CELF2: variants seen among roughly 807,000 people sequenced by gnomAD.
CELF2 encodes CUGBP Elav-like family member 2.
Under a neutral mutation model 62.6 loss-of-function variants are expected in CELF2, and 8 were observed. That is an observed-to-expected ratio of 0.13 (90% CI 0.07 to 0.23). CELF2 has a LOEUF of 0.23. CELF2 is among the 10% of genes least tolerant of loss of function. The probability of loss-of-function intolerance (pLI) is 1.00; values close to 1 mark genes in which losing one functional copy is unlikely to be tolerated. For missense variants in CELF2, 333 were observed against 671.0 expected (o/e 0.50, Z 5.56); for synonymous variants, 258 against 250.0 (o/e 1.03, Z -0.30).
the CELF2 span, among the ~76,000 whole-genome samples, chr10:10,599,211 G>T: frequency 6.6e-6 from 1 of 152,146 alleles, no homozygotes; most frequent in Admixed American, 6.5e-5. Flanking sequence ...TGAGAGCAAT[G>T]ACTTTCAATG....
intron 1 of CELF2, among the ~76,000 whole-genome samples, chr10:11,130,571 G>A (rs757039979): frequency 2.0e-5 from 3 of 152,164 alleles, no homozygotes; most frequent in Admixed American, 6.5e-5. Flanking sequence ...TTGTATTAAC[G>A]GCTTTGAGTT....
intron 1 of CELF2, among the ~76,000 whole-genome samples, chr10:11,023,084 C>T (rs2058602020): frequency 6.6e-6 from 1 of 152,092 alleles, no homozygotes; most frequent in Admixed American, 6.6e-5. Context: ...GATTTTGTTT[C>T]TTCACGGGAG....
At chr10:10,672,424 G>A in the CELF2 span, among the ~76,000 whole-genome samples, 3 of 148,124 alleles carry the variant, frequency 2.0e-5, no homozygotes, top group African/African-American at 7.4e-5. Context: ...TTTGCATTTT[G>A]CATTTAAGTC....
At chr10:11,197,047 A>G (rs61830888) in intron 2 of CELF2, among the ~76,000 whole-genome samples, 1,553 of 25,720 alleles carry the variant, frequency 0.06, 401 homozygotes, top group African/African-American at 0.14. Context: ...GAAAGAAAGA[A>G]AGAAAGAAAG....
chr10:10,996,930 T>C (rs1215509644), intron 2 of CELF2, among the ~76,000 whole-genome samples: 1 of 152,216 alleles, frequency 6.6e-6, no homozygotes, highest in Non-Finnish European at 1.5e-5. Context: ...CCTTTTTTGG[T>C]TGCCTTCTTG....
At chr10:11,099,909 A>G (rs557297315) in intron 1 of CELF2, among the ~76,000 whole-genome samples, 123 of 150,882 alleles carry the variant, frequency 8.2e-4, no homozygotes, top group African/African-American at 2.9e-3. Context: ...AAAACAGAAA[A>G]AACAGCTTAA....
chr10:11,257,261 C>T (rs572586856), intron 4 of CELF2, among the ~76,000 whole-genome samples: 7 of 150,048 alleles, frequency 4.7e-5, no homozygotes, highest in East Asian at 3.9e-4. Flanking sequence ...TTCGCTGTTT[C>T]GCTCCATCTG....
the CELF2 span, among the ~76,000 whole-genome samples, chr10:10,606,156 C>A: frequency 6.6e-6 from 1 of 152,190 alleles, no homozygotes; most frequent in African/African-American, 2.4e-5. Flanking sequence ...TAGAAGGATT[C>A]AGTGACTGCC....
the CELF2 span, among the ~76,000 whole-genome samples, chr10:10,732,984 T>A: frequency 6.6e-6 from 1 of 152,142 alleles, no homozygotes; most frequent in Admixed American, 6.5e-5. Context: ...GATGTGAACT[T>A]CAGAAGAAAT....
chr10:10,654,757 A>G, the CELF2 span, among the ~76,000 whole-genome samples: 2 of 143,714 alleles, frequency 1.4e-5, no homozygotes, highest in East Asian at 2.0e-4. Flanking sequence ...CCCACAGCCA[A>G]TATCATACTG....
At chr10:11,181,719 C>G (rs1244874077) in intron 2 of CELF2, among the ~76,000 whole-genome samples, 1 of 152,232 alleles carries the variant, frequency 6.6e-6, no homozygotes, top group South Asian at 2.1e-4. Context: ...ATCTCTAACT[C>G]TAAGTGTCTT....
chr10:11,168,608 T>G (rs1219891908), intron 2 of CELF2, among the ~76,000 whole-genome samples: 1 of 152,222 alleles, frequency 6.6e-6, no homozygotes, highest in Non-Finnish European at 1.5e-5. Flanking sequence ...CTAGAATTAC[T>G]GGAGGTGGTT....
intron 1 of CELF2, among the ~76,000 whole-genome samples, chr10:10,885,792 C>T (rs2133794095): frequency 6.6e-6 from 1 of 152,252 alleles, no homozygotes; most frequent in East Asian, 1.9e-4. Context: ...TCTCTTCTTC[C>T]ATCTTCAAAG....
In CELF2 at chr10:11,336,561, TTTCTAAGGGGTATTTTTG is replaced by T. The variant is rs1472346987; in HGVS notation, c.*7513_*7530del. 2 of 152,654 alleles carry T rather than the reference TTTCTAAGGGGTATTTTTG, an allele frequency of 1.3e-5. No individual in the cohort carries two copies. Among genetic ancestry groups the T allele is most frequent in the African/African-American group, 4.8e-5 (2 of 41,452 alleles). 9.5% of individuals were successfully genotyped at this position (152,654 alleles called of 1,614,324 possible). On this transcript the variant is annotated 3_prime_UTR_variant, in exon 13 of 13. Coordinates refer to ENST00000633077, the MANE Select transcript of CELF2 (RefSeq NM_001326342.2). This position sits in a 1 kb window ranked among gnomAD's most constrained non-coding sequence, Gnocchi z 5.4. ...AATGTGATTATTTTTCAAAGCAGTG[TTTCTAAGGGGTATTTTTG>T]TTCTTTTAAGTCTTGAGTGATACAG...
chr10:11,241,970 A>G (rs183759905), intron 3 of CELF2, among the ~76,000 whole-genome samples: 3 of 152,318 alleles, frequency 2.0e-5, no homozygotes, highest in Admixed American at 1.3e-4. Flanking sequence ...AGACACAAGT[A>G]TTCTCCATGG....
the CELF2 span, among the ~76,000 whole-genome samples, chr10:10,742,342 C>A: frequency 3.3e-5 from 5 of 152,122 alleles, no homozygotes; most frequent in Non-Finnish European, 4.4e-5. Flanking sequence ...TTACAATACT[C>A]TTTTGGGTGA....
intron 2 of CELF2, among the ~76,000 whole-genome samples, chr10:10,960,634 C>T (rs1318481580): frequency 1.3e-5 from 2 of 152,336 alleles, no homozygotes; most frequent in South Asian, 2.1e-4. Context: ...ATTGGTAATG[C>T]ATACCCAGTA....
intron 2 of CELF2, among the ~76,000 whole-genome samples, chr10:10,958,543 A>G (rs1394393270): frequency 1.3e-5 from 2 of 152,106 alleles, no homozygotes; most frequent in Non-Finnish European, 2.9e-5. Context: ...CTCGTGTTCT[A>G]CCTCTCAACT....
intron 9 of CELF2, among the ~76,000 whole-genome samples, chr10:11,303,900 A>G (rs756677558): frequency 7.1e-4 from 108 of 152,178 alleles, no homozygotes; most frequent in Admixed American, 1.4e-3. Context: ...ACTTCACAGG[A>G]TAACTGTAAA....
Sources: allele counts gnomAD v4.1 joint callset (sites outside exome capture counted in the v4.1 genomes callset), GRCh38; gene constraint gnomAD v4.1.1; non-coding constraint Gnocchi (gnomAD v3.1); transcripts MANE v1.5; gene names NCBI Gene and HGNC (gene_info 2026-07-23, HGNC 2026-07-21).